HMGCLL1: variants seen among roughly 807,000 people sequenced by gnomAD.
HMGCLL1 encodes the protein 3-hydroxymethyl-3-methylglutaryl-CoA lyase, cytoplasmic.
HMGCLL1 carries 36 observed loss-of-function variants against 39.1 expected under a neutral mutation model. The observed-to-expected ratio is 0.92, with a 90% CI of 0.71 to 1.22. The LOEUF (loss-of-function observed/expected upper bound fraction) is 1.22, where lower values mean the gene tolerates loss of function less well. HMGCLL1 is among the 50% of genes most tolerant of loss of function. The probability of loss-of-function intolerance (pLI) is 0.00; values close to 1 mark genes in which losing one functional copy is unlikely to be tolerated. For synonymous variants in HMGCLL1, 149 were observed against 144.0 expected (o/e 1.03, Z -0.25); for missense variants, 451 against 416.5 (o/e 1.08, Z -0.72).
intron 5 of HMGCLL1, among the ~76,000 whole-genome samples, chr6:55,501,537 C>T (rs370805208): frequency 6.6e-6 from 1 of 151,798 alleles, no homozygotes; most frequent in African/African-American, 2.4e-5. Flanking sequence ...TGAATATGAA[C>T]TGAATTCTCT....
chr6:55,549,766 AC>A (rs1356376207), intron 1 of HMGCLL1, among the ~76,000 whole-genome samples: 1 of 151,680 alleles, frequency 6.6e-6, no homozygotes, highest in East Asian at 1.9e-4. Flanking sequence ...AAATTTCATT[AC>A]TTTTTTTTTG....
chr6:55,532,807 A>C (rs1296230270), intron 3 of HMGCLL1, among the ~76,000 whole-genome samples: 1 of 826 alleles, frequency 1.2e-3, no homozygotes, highest in East Asian at 0.023. Flanking sequence ...TCTCAAACAT[A>C]ATAATAATAA....
chr6:55,624,327 G>A, the HMGCLL1 span, among the ~76,000 whole-genome samples: 939 of 152,246 alleles, frequency 6.2e-3, 13 homozygotes, highest in African/African-American at 0.021. Context: ...TGCAGCTGCT[G>A]TACTAGATGT....
intron 1 of HMGCLL1, among the ~76,000 whole-genome samples, chr6:55,542,945 A>C (rs1769554383): frequency 8.0e-6 from 1 of 125,074 alleles, no homozygotes; most frequent in African/African-American, 3.2e-5. Context: ...TATATTTATA[A>C]GTGTATATAA....
intron 1 of HMGCLL1, among the ~76,000 whole-genome samples, chr6:55,563,493 C>T (rs570844999): frequency 6.6e-6 from 1 of 152,146 alleles, no homozygotes; most frequent in African/African-American, 2.4e-5. Context: ...ACTTATTTTT[C>T]ACTCCTGGGA....
chr6:55,557,975 C>T (rs1770759099), intron 1 of HMGCLL1, among the ~76,000 whole-genome samples: 1 of 152,138 alleles, frequency 6.6e-6, no homozygotes, highest in Non-Finnish European at 1.5e-5. Context: ...GTCAAAAATA[C>T]TGGTGCCTTA....
the HMGCLL1 span, among the ~76,000 whole-genome samples, chr6:55,594,194 A>C: frequency 6.6e-6 from 1 of 152,326 alleles, no homozygotes; most frequent in East Asian, 1.9e-4. Flanking sequence ...TTTGAATCTA[A>C]TGATTCTGAA....
chr6:55,519,847 A>G (rs1767945923), intron 3 of HMGCLL1, among the ~76,000 whole-genome samples: 1 of 152,132 alleles, frequency 6.6e-6, no homozygotes, highest in Admixed American at 6.6e-5. Context: ...GGGCAAATAA[A>G]CAAATTTTAA....
At chr6:55,589,628 C>G in the HMGCLL1 span, among the ~76,000 whole-genome samples, 11 of 152,100 alleles carry the variant, frequency 7.2e-5, no homozygotes, top group South Asian at 1.5e-3. Flanking sequence ...GTTTGCAGAT[C>G]ACATGATTGT....
chr6:55,526,600 C>A (rs1019265131), intron 3 of HMGCLL1, among the ~76,000 whole-genome samples: 11 of 151,980 alleles, frequency 7.2e-5, no homozygotes, highest in African/African-American at 2.7e-4. Flanking sequence ...TGAATTCAAT[C>A]CACTTTGAAT....
the HMGCLL1 span, among the ~76,000 whole-genome samples, chr6:55,668,493 C>T: frequency 2.6e-5 from 4 of 151,890 alleles, no homozygotes; most frequent in Admixed American, 6.6e-5. Flanking sequence ...TCCCATCTCT[C>T]TCACTTTACG....
the HMGCLL1 span, among the ~76,000 whole-genome samples, chr6:55,664,665 G>T: frequency 2.6e-5 from 4 of 151,692 alleles, no homozygotes; most frequent in African/African-American, 9.7e-5. Context: ...ATTTCCGTGG[G>T]TCAGGAATCT....
intron 7 of HMGCLL1, among the ~76,000 whole-genome samples, chr6:55,469,093 A>G (rs1274684390): frequency 2.0e-5 from 3 of 151,568 alleles, no homozygotes; most frequent in African/African-American, 7.3e-5. Flanking sequence ...ACTATGTTGA[A>G]ATTAGAACAA....
At chr6:55,495,865 C>T (rs1397524662) in intron 6 of HMGCLL1, among the ~76,000 whole-genome samples, 1 of 151,756 alleles carries the variant, frequency 6.6e-6, no homozygotes, top group Admixed American at 6.6e-5. Context: ...TCTTTTTATC[C>T]AGCTATTTGT....
At chr6:55,514,377 G>T (rs968276092) in intron 4 of HMGCLL1, among the ~76,000 whole-genome samples, 181 bp from the exon 5 acceptor site, 1 of 152,050 alleles carries the variant, frequency 6.6e-6, no homozygotes, top group Non-Finnish European at 1.5e-5. Flanking sequence ...AAAATATTTT[G>T]TAATAACAGA....
At chr6:55,453,018 T>C (rs1764169116) in intron 7 of HMGCLL1, among the ~76,000 whole-genome samples, 1 of 152,142 alleles carries the variant, frequency 6.6e-6, no homozygotes, top group African/African-American at 2.4e-5. Context: ...AATGTTGTTA[T>C]AGTTTGCCTC....
At chr6:55,614,041 T>G in the HMGCLL1 span, among the ~76,000 whole-genome samples, 2 of 152,212 alleles carry the variant, frequency 1.3e-5, no homozygotes, top group Non-Finnish European at 2.9e-5. Context: ...GATATAATTT[T>G]AATGTCATTT....
At chr6:55,461,232 G>C (rs1368556646) in intron 7 of HMGCLL1, among the ~76,000 whole-genome samples, 1 of 151,418 alleles carries the variant, frequency 6.6e-6, no homozygotes, top group Non-Finnish European at 1.5e-5. Context: ...TTTTTTTATT[G>C]TAAGTGCTTT....
chr6:55,677,941 C>G, the HMGCLL1 span, among the ~76,000 whole-genome samples: 1 of 152,124 alleles, frequency 6.6e-6, no homozygotes. Flanking sequence ...TAGTGTCTGA[C>G]AATAATGGAT....
Sources: gnomAD v4.1 joint callset for allele counts (sites outside exome capture counted in the v4.1 genomes callset) on GRCh38, gnomAD v4.1.1 for gene constraint, MANE v1.5 for transcripts, NCBI Gene and HGNC (gene_info 2026-07-23, HGNC 2026-07-21) for gene names.